CTIF: variants seen among roughly 807,000 people sequenced by gnomAD.
The protein encoded by CTIF is CBP80/20-dependent translation initiation factor.
Under a neutral mutation model 66.0 loss-of-function variants are expected in CTIF, and 21 were observed. The ratio of observed to expected loss-of-function variants is 0.32; its 90% confidence interval spans 0.23 to 0.46. The LOEUF is 0.46. CTIF is among the 20% of genes least tolerant of loss of function. CTIF has a pLI of 1.00. For missense variants in CTIF, 739 were observed against 812.7 expected (o/e 0.91, Z 1.10); for synonymous variants, 345 against 326.4 (o/e 1.06, Z -0.62).
At chr18:48,645,581 C>A (rs1019045076) in intron 3 of CTIF, among the ~76,000 whole-genome samples, 13 of 152,196 alleles carry the variant, frequency 8.5e-5, no homozygotes, top group Non-Finnish European at 1.9e-4. Flanking sequence ...TTCGTCCCCG[C>A]CAACTGGTGA....
intron 9 of CTIF, among the ~76,000 whole-genome samples, chr18:48,770,550 C>T (rs1275994534): frequency 6.6e-6 from 1 of 152,208 alleles, no homozygotes; most frequent in Non-Finnish European, 1.5e-5. Context: ...TTGTTAGGAG[C>T]GTGGGTGGCT....
At chr18:48,815,971 C>T (rs991531810) in intron 9 of CTIF, among the ~76,000 whole-genome samples, 2 of 152,204 alleles carry the variant, frequency 1.3e-5, no homozygotes, top group African/African-American at 4.8e-5. Context: ...TTGACCTTCA[C>T]AATGTCTCTT....
intron 9 of CTIF, among the ~76,000 whole-genome samples, chr18:48,763,919 C>G (rs1368593364): frequency 6.6e-6 from 1 of 152,146 alleles, no homozygotes; most frequent in Non-Finnish European, 1.5e-5. Context: ...GTAGGTCTGT[C>G]ATGAGTGATG....
chr18:48,668,231 A>G (rs1423142376), intron 5 of CTIF, among the ~76,000 whole-genome samples: 1 of 152,218 alleles, frequency 6.6e-6, no homozygotes, highest in Non-Finnish European at 1.5e-5. Flanking sequence ...GCTGGTGCCC[A>G]GCGTGTGCTT....
intron 10 of CTIF, among the ~76,000 whole-genome samples, chr18:48,840,862 T>TCCCCCC (rs2068923272): frequency 3.0e-5 from 4 of 132,304 alleles, no homozygotes; most frequent in African/African-American, 5.7e-5. Flanking sequence ...AAGGCTTCAC[T>TCCCCCC]CCACCCCCAC....
At chr18:48,668,066 C>T (rs2091464805) in intron 5 of CTIF, among the ~76,000 whole-genome samples, 1 of 152,248 alleles carries the variant, frequency 6.6e-6, no homozygotes, top group Admixed American at 6.5e-5. Context: ...TGGTCTGTAG[C>T]CACCTTCAGC....
chr18:48,848,931 G>T (rs528891391), intron 10 of CTIF, among the ~76,000 whole-genome samples: 1 of 152,252 alleles, frequency 6.6e-6, no homozygotes, highest in Non-Finnish European at 1.5e-5. Context: ...GTGTGGGCTC[G>T]CACAATTGCC....
chr18:48,638,635 G>A (rs2090868460), intron 3 of CTIF, among the ~76,000 whole-genome samples: 1 of 152,206 alleles, frequency 6.6e-6, no homozygotes, highest in Non-Finnish European at 1.5e-5. Context: ...TTAGGTATGG[G>A]CTTGTCCCTG....
intron 1 of CTIF, among the ~76,000 whole-genome samples, chr18:48,610,975 C>T (rs1026497099): frequency 2.0e-5 from 3 of 152,152 alleles, no homozygotes; most frequent in African/African-American, 7.2e-5. Context: ...GCTTGGGGTC[C>T]ACAGAGCTTA....
At chr18:48,798,089 T>C (rs776923057) in intron 9 of CTIF, among the ~76,000 whole-genome samples, 8 of 152,292 alleles carry the variant, frequency 5.3e-5, no homozygotes, top group African/African-American at 9.6e-5. Context: ...CCAGACAGGA[T>C]TGATAGTTCC....
intron 1 of CTIF, among the ~76,000 whole-genome samples, chr18:48,585,927 A>T (rs1227292443): frequency 3.3e-5 from 5 of 152,124 alleles, no homozygotes; most frequent in Non-Finnish European, 7.4e-5. Flanking sequence ...ATAAATCTTT[A>T]TAGTTGAGTT....
intron 6 of CTIF, among the ~76,000 whole-genome samples, chr18:48,682,204 A>G (rs1481665777): frequency 1.3e-5 from 2 of 152,176 alleles, no homozygotes; most frequent in Non-Finnish European, 2.9e-5. Context: ...AGCACTTAAT[A>G]TATTCCTAGA....
At chr18:48,562,920 A>G (rs1409520081) in intron 1 of CTIF, among the ~76,000 whole-genome samples, 1 of 152,248 alleles carries the variant, frequency 6.6e-6, no homozygotes, top group Admixed American at 6.5e-5. Flanking sequence ...TCTTGTCATA[A>G]AAATCAGCAA....
chr18:48,716,942 G>A (rs774841694), intron 7 of CTIF, among the ~76,000 whole-genome samples: 9 of 152,240 alleles, frequency 5.9e-5, no homozygotes, highest in Non-Finnish European at 1.0e-4. Context: ...GTGTCAGATG[G>A]CTCCGCAGGA....
In CTIF at chr18:48,862,378, T is replaced by TGAG. The variant is rs1231055179; in HGVS notation, c.*2820_*2822dup. 2 of 152,556 alleles carry TGAG rather than the reference T, an allele frequency of 1.3e-5. No homozygotes were observed. Among genetic ancestry groups the TGAG allele is most frequent in the East Asian group, 3.9e-4 (2 of 5,192 alleles). 9.5% of individuals were successfully genotyped at this position (152,556 alleles called of 1,614,324 possible). ...TCAGTCTCCCCACTGCCTGTCAGGA[T>TGAG]GAGTTAGTCATTGTTTTTCTCCGAG... On this transcript the variant is annotated 3_prime_UTR_variant, in exon 12 of 12. Transcript: ENST00000256413.
intron 1 of CTIF, among the ~76,000 whole-genome samples, chr18:48,613,086 G>A (rs1331963065): frequency 6.6e-6 from 1 of 152,182 alleles, no homozygotes; most frequent in East Asian, 1.9e-4. Flanking sequence ...GCAGGTCACT[G>A]AACTCATCCC....
intron 7 of CTIF, among the ~76,000 whole-genome samples, chr18:48,730,246 C>G (rs866785688): frequency 7.0e-6 from 1 of 143,682 alleles, no homozygotes; most frequent in Admixed American, 6.9e-5. Flanking sequence ...GGGGCCTCCG[C>G]GGTGTGAGGG....
At chr18:48,547,435 T>G (rs1435608297) in intron 1 of CTIF, among the ~76,000 whole-genome samples, 1 of 152,174 alleles carries the variant, frequency 6.6e-6, no homozygotes, top group African/African-American at 2.4e-5. Context: ...TCCTACAGTT[T>G]CAAACTCAGG....
intron 1 of CTIF, among the ~76,000 whole-genome samples, chr18:48,596,161 C>A (rs752973614): frequency 1.5e-4 from 23 of 152,190 alleles, no homozygotes; most frequent in Non-Finnish European, 2.9e-4. Context: ...AAGCTGCTTA[C>A]CACGGTGACA....
Sources: allele counts gnomAD v4.1 joint callset (sites outside exome capture counted in the v4.1 genomes callset), GRCh38; gene constraint gnomAD v4.1.1; transcripts MANE v1.5; gene names NCBI Gene and HGNC (gene_info 2026-07-23, HGNC 2026-07-21).